The following PGD variants were observed in gnomAD, a reference collection of about 807,000 sequenced individuals.
The protein encoded by PGD is 6-phosphogluconate dehydrogenase, decarboxylating.
Under a neutral mutation model 60.4 loss-of-function variants are expected in PGD, and 21 were observed. The ratio of observed to expected loss-of-function variants is 0.35; its 90% CI spans 0.25 to 0.50. The LOEUF (loss-of-function observed/expected upper bound fraction) is 0.50, where lower values mean the gene tolerates loss of function less well. Ranked by LOEUF, PGD falls within the 20% of genes least tolerant of loss-of-function variation. The pLI, the probability that PGD is intolerant of heterozygous loss-of-function variation, is 0.98. For missense variants in PGD, 477 were observed against 613.1 expected (o/e 0.78, Z 2.34); for synonymous variants, 230 against 235.9 (o/e 0.97, Z 0.23).
intron 8 of PGD, among the ~76,000 whole-genome samples, chr1:10,416,487 C>T (rs1196864305): frequency 6.6e-6 from 1 of 152,236 alleles, no homozygotes; most frequent in East Asian, 1.9e-4. Context: ...TCCTGCTCCA[C>T]CTTTCTTCTG....
At chr1:10,399,252 T>C (rs1009543600) in intron 1 of PGD, 127 bp downstream of exon 1, 112 of 1,106,344 alleles carry the variant, frequency 1.0e-4, no homozygotes, top group Non-Finnish European at 1.3e-4. Context: ...CTTGGGGCTC[T>C]GTGACCCTGG....
intron 8 of PGD, among the ~76,000 whole-genome samples, chr1:10,415,716 C>A (rs1639583609): frequency 6.6e-6 from 1 of 152,176 alleles, no homozygotes; most frequent in African/African-American, 2.4e-5. Flanking sequence ...GAAATAAAGT[C>A]CTCTGTTAGT....
chr1:10,410,260 G>A (rs1394409330), intron 6 of PGD, among the ~76,000 whole-genome samples: 1 of 152,026 alleles, frequency 6.6e-6, no homozygotes, highest in Non-Finnish European at 1.5e-5. Flanking sequence ...AGACCAGCCT[G>A]GCCAACATGG....
chr1:10,403,177 CA>C, intron 4 of PGD, 41 bp downstream of exon 4: 1 of 1,415,484 alleles, frequency 7.1e-7, no homozygotes, highest in Admixed American at 1.7e-5. Flanking sequence ...GTTCCGAGAA[CA>C]TTCTAGAAAA....
At chr1:10,402,609 A>C (rs1383044137) in intron 3 of PGD, among the ~76,000 whole-genome samples, 1 of 150,600 alleles carries the variant, frequency 6.6e-6, no homozygotes, top group East Asian at 2.0e-4. Flanking sequence ...TGCAAGCTCC[A>C]CCTCCCGGGT....
intron 5 of PGD, among the ~76,000 whole-genome samples, chr1:10,405,389 ACAAAC>A (rs1639383393): frequency 1.7e-5 from 1 of 58,912 alleles, no homozygotes; most frequent in African/African-American, 7.1e-5. Flanking sequence ...ACAAAACAAA[ACAAAC>A]AAAAAATACA....
At chr1:10,409,995 A>G (rs1444940861) in intron 6 of PGD, among the ~76,000 whole-genome samples, 1 of 152,200 alleles carries the variant, frequency 6.6e-6, no homozygotes, top group African/African-American at 2.4e-5. Flanking sequence ...GGACAAAGTC[A>G]TGAAGAGAAG....
At chr1:10,416,921 G>A (rs1302152177) in intron 8 of PGD, 66 bp from the exon 9 acceptor site, 2 of 1,533,310 alleles carry the variant, frequency 1.3e-6, no homozygotes, top group East Asian at 2.3e-5. Flanking sequence ...CAGGGGATAT[G>A]ATAGTTTAGC....
At chr1:10,414,532 G>A (rs1359108516) in intron 8 of PGD, among the ~76,000 whole-genome samples, 1 of 151,772 alleles carries the variant, frequency 6.6e-6, no homozygotes, top group Non-Finnish European at 1.5e-5. Flanking sequence ...GCGCTACCAT[G>A]CCTGGCTAAT....
intron 3 of PGD, among the ~76,000 whole-genome samples, chr1:10,400,959 G>T (rs1639305747): frequency 6.6e-6 from 1 of 152,138 alleles, no homozygotes; most frequent in Non-Finnish European, 1.5e-5. Context: ...GGGTATGGTG[G>T]TGTAAGCTTA....
At chr1:10,416,513 T>C (rs1639596772) in intron 8 of PGD, among the ~76,000 whole-genome samples, 1 of 152,186 alleles carries the variant, frequency 6.6e-6, no homozygotes, top group Non-Finnish European at 1.5e-5. Context: ...TGTGCGAACT[T>C]TGGTAATTTT....
At chr1:10,412,729 G>A (rs1209049234) in intron 7 of PGD, 1 of 230,684 alleles carries the variant, frequency 4.3e-6, no homozygotes, top group Non-Finnish European at 8.6e-6. Flanking sequence ...CGATGACTGT[G>A]AGAACGAAGA....
chr1:10,401,227 C>T (rs780077961), intron 3 of PGD, among the ~76,000 whole-genome samples: 52 of 152,176 alleles, frequency 3.4e-4, no homozygotes, highest in Non-Finnish European at 5.9e-4. Flanking sequence ...AAATCAAGAT[C>T]TCCTTAGGGA....
rs1401573443 is a variant in PGD at position 10,419,670 on chromosome 1, T to G, written c.1373T>G (p.Leu458Trp). Residue 458 changes from leucine to tryptophan, a missense_variant, in exon 13 of 13, where the codon TTG (leucine) becomes TGG (tryptophan). By Grantham distance (61) the Leu-to-Trp change is moderately conservative. This residue lies in a region of PGD where 44 missense variants were observed against 40.3 expected (regional missense o/e 1.09). Transcript: ENST00000270776. ...TTCGGGGCTCACACCTATGAACTCT[T>G]GGCCAAACCAGGGCAGTTTATCCAC... ...DYFGAHTYELLAKPGQFIHTN... is the reference protein window; with the variant it reads ...DYFGAHTYELWAKPGQFIHTN... The G allele has an allele frequency of 1.9e-6, 3 of 1,614,216 alleles. No individual in the cohort carries two copies. Among genetic ancestry groups the G allele is most frequent in the Non-Finnish European group, 2.5e-6 (3 of 1,180,042 alleles).
intron 8 of PGD, among the ~76,000 whole-genome samples, chr1:10,416,492 C>A (rs1172739789): frequency 2.0e-5 from 3 of 152,182 alleles, no homozygotes; most frequent in African/African-American, 7.2e-5. Flanking sequence ...CTCCACCTTT[C>A]TTCTGGTTGC....
At chr1:10,403,044 C>T (rs767166845) in intron 3 of PGD, 27 bp from the exon 4 acceptor site, 10 of 1,479,318 alleles carry the variant, frequency 6.8e-6, no homozygotes, top group South Asian at 5.8e-5. Flanking sequence ...ATTTTTGGTC[C>T]ATCTTAATGC....
chr1:10,402,014 C>CAAATAAATAAATAAAT (rs571995482), intron 3 of PGD, among the ~76,000 whole-genome samples: 2 of 151,580 alleles, frequency 1.3e-5, no homozygotes, highest in African/African-American at 4.8e-5. Flanking sequence ...GACTCCGTCT[C>CAAATAAATAAATAAAT]AAATAAATAA....
rs868296142 is a variant in PGD at position 10,405,427 on chromosome 1, T to C, written c.449+1148T>C. Among the ~76,000 whole-genome samples the C allele has an allele frequency of 8.2e-3, 683 of 83,572 alleles. 8 individuals are homozygous for C. Among genetic ancestry groups the C allele is most frequent in the African/African-American group, 0.027 (616 of 22,996 alleles). 54.8% of individuals were successfully genotyped at this position (83,572 alleles called of 152,430 possible). A position where few individuals can be genotyped will look rare whatever the true frequency, so the allele number is the denominator to read the frequency against. On this transcript the variant is annotated intron_variant, in intron 5 of 12. Transcript: ENST00000270776. Reference sequence around the variant, plus strand: ...ACACACACACACACACACACACACATATATATAAATAATTGTGGGCAATCC... The same window carrying C: ...ACACACACACACACACACACACACACATATATAAATAATTGTGGGCAATCC...
intron 6 of PGD, among the ~76,000 whole-genome samples, chr1:10,410,749 G>A (rs1639486132): frequency 6.6e-6 from 1 of 152,086 alleles, no homozygotes; most frequent in African/African-American, 2.4e-5. Context: ...TTGTAACCAC[G>A]AAGATCCATA....
Sources: allele counts gnomAD v4.1 joint callset (sites outside exome capture counted in the v4.1 genomes callset), GRCh38; gene constraint gnomAD v4.1.1; regional missense constraint gnomAD v4.1.1; transcripts MANE v1.5; gene names NCBI Gene and HGNC (gene_info 2026-07-23, HGNC 2026-07-21).